The following PARD3 variants were observed in gnomAD, a reference collection of about 807,000 sequenced individuals.
PARD3 encodes the protein par-3 family cell polarity regulator.
Under a neutral mutation model 155.4 loss-of-function variants are expected in PARD3, and 75 were observed. The ratio of observed to expected loss-of-function variants is 0.48; its 90% CI spans 0.40 to 0.58. The LOEUF (loss-of-function observed/expected upper bound fraction) is 0.58. Ranked by LOEUF, PARD3 falls within the 20% of genes least tolerant of loss-of-function variation. PARD3 has a pLI of 0.00. For missense variants in PARD3, 1,642 were observed against 1,721.7 expected (o/e 0.95, Z 0.82); for synonymous variants, 576 against 610.5 (o/e 0.94, Z 0.83).
At chr10:34,411,781 C>T (rs879355327) in intron 5 of PARD3, among the ~76,000 whole-genome samples, 6 of 149,580 alleles carry the variant, frequency 4.0e-5, no homozygotes, top group African/African-American at 7.4e-5. Context: ...GATAGATAGA[C>T]AGAATCTCCA....
chr10:34,234,130 A>G (rs1027011516), intron 22 of PARD3, among the ~76,000 whole-genome samples: 7 of 152,136 alleles, frequency 4.6e-5, no homozygotes, highest in Non-Finnish European at 8.8e-5. Context: ...CTTTGTAATC[A>G]ATTTCTGATA....
chr10:34,734,484 C>T (rs555984682), intron 1 of PARD3, among the ~76,000 whole-genome samples: 3 of 151,894 alleles, frequency 2.0e-5, no homozygotes, highest in Admixed American at 6.6e-5. Context: ...TACAGGCGCC[C>T]GCCACCATGC....
intron 2 of PARD3, among the ~76,000 whole-genome samples, chr10:34,542,785 C>A (rs1200937907): frequency 6.6e-6 from 1 of 152,096 alleles, no homozygotes; most frequent in East Asian, 1.9e-4. Flanking sequence ...TTGTGTCATA[C>A]AATTTTAAAA....
At chr10:34,713,934 T>C (rs540974170) in intron 1 of PARD3, among the ~76,000 whole-genome samples, 1 of 152,252 alleles carries the variant, frequency 6.6e-6, no homozygotes, top group Admixed American at 6.5e-5. Context: ...ATGTTGAATA[T>C]TTCTCTACTA....
chr10:34,753,790 G>C (rs13376804), intron 1 of PARD3, among the ~76,000 whole-genome samples: 3,576 of 152,146 alleles, frequency 0.024, 140 homozygotes, highest in African/African-American at 0.082. Flanking sequence ...TCACAGACAG[G>C]AAGAGTATGC....
At chr10:34,295,308 T>C (rs1956856777) in intron 20 of PARD3, among the ~76,000 whole-genome samples, 1 of 152,184 alleles carries the variant, frequency 6.6e-6, no homozygotes, top group African/African-American at 2.4e-5. Context: ...GGACAAGAAA[T>C]TCGGCAAATG....
intron 4 of PARD3, among the ~76,000 whole-genome samples, chr10:34,468,584 CAAG>C (rs2078154885): frequency 6.6e-6 from 1 of 152,106 alleles, no homozygotes; most frequent in South Asian, 2.1e-4. Flanking sequence ...TCAAAACTTA[CAAG>C]CTAATCTTAA....
At chr10:34,715,452 T>C (rs2094505912) in intron 1 of PARD3, among the ~76,000 whole-genome samples, 1 of 152,170 alleles carries the variant, frequency 6.6e-6, no homozygotes, top group African/African-American at 2.4e-5. Context: ...ATACAAGCCA[T>C]GAAGTCCACA....
chr10:34,167,584 AAGGTAATATTT>A (rs58400164), intron 22 of PARD3, among the ~76,000 whole-genome samples: 35,899 of 151,636 alleles, frequency 0.24, 4,406 homozygotes, highest in Middle Eastern at 0.37. Context: ...AAAATGGCAA[AAGGTAATATTT>A]AGGTATATGT....
chr10:34,401,807 G>A lies in PARD3; in HGVS notation c.806+19C>T. Reference sequence around the variant, plus strand: ...CTACATGTATACTGCAAACTTAGTTGAAACCATCAGTAACTTACTCCAGAG... The same window carrying A: ...CTACATGTATACTGCAAACTTAGTTAAAACCATCAGTAACTTACTCCAGAG... On this transcript the variant is annotated intron_variant, in intron 6 of 24. Coordinates refer to ENST00000374788, the MANE Select transcript of PARD3 (RefSeq NM_001184785.2). The A allele has an allele frequency of 6.5e-7, 1 of 1,527,400 alleles. No homozygotes were observed. Among genetic ancestry groups the A allele is most frequent in the Non-Finnish European group, 9.1e-7 (1 of 1,101,074 alleles). 94.6% of individuals were successfully genotyped at this position (1,527,400 alleles called of 1,614,324 possible).
chr10:34,513,469 G>A (rs1664633580), intron 3 of PARD3, among the ~76,000 whole-genome samples: 1 of 152,286 alleles, frequency 6.6e-6, no homozygotes, highest in East Asian at 1.9e-4. Flanking sequence ...TTTTGGTAGA[G>A]ACAGGGTTTC....
chr10:34,162,866 A>T (rs1208652468), intron 22 of PARD3, among the ~76,000 whole-genome samples: 1 of 152,154 alleles, frequency 6.6e-6, no homozygotes, highest in Non-Finnish European at 1.5e-5. Flanking sequence ...CAGGACTGTG[A>T]GAATTCAGAC....
At chr10:34,624,848 C>T (rs947315420) in intron 2 of PARD3, among the ~76,000 whole-genome samples, 1 of 152,232 alleles carries the variant, frequency 6.6e-6, no homozygotes, top group Non-Finnish European at 1.5e-5. Context: ...CCCAGACAAG[C>T]TCTGAGAAAG....
At chr10:34,748,603 C>T (rs928449278) in intron 1 of PARD3, among the ~76,000 whole-genome samples, 2 of 152,062 alleles carry the variant, frequency 1.3e-5, no homozygotes, top group African/African-American at 4.8e-5. Context: ...GCCCTGAAGT[C>T]TGGAATCAAA....
chr10:34,540,184 A>G (rs190891537), intron 2 of PARD3, among the ~76,000 whole-genome samples: 290 of 152,300 alleles, frequency 1.9e-3, no homozygotes, highest in African/African-American at 6.3e-3. Context: ...TATGCTGTCA[A>G]ACAACAGCAC....
intron 20 of PARD3, among the ~76,000 whole-genome samples, chr10:34,311,598 T>C (rs1957700831): frequency 6.6e-6 from 1 of 152,214 alleles, no homozygotes; most frequent in Non-Finnish European, 1.5e-5. Context: ...TCCAGAAACA[T>C]TTATGAAAGA....
intron 22 of PARD3, among the ~76,000 whole-genome samples, chr10:34,225,577 C>T (rs1455768170): frequency 6.6e-6 from 1 of 152,160 alleles, no homozygotes; most frequent in Non-Finnish European, 1.5e-5. Context: ...AACTCCTGAC[C>T]TCAGGTGATC....
At chr10:34,729,612 A>G (rs548922924) in intron 1 of PARD3, among the ~76,000 whole-genome samples, 1 of 152,296 alleles carries the variant, frequency 6.6e-6, no homozygotes, top group South Asian at 2.1e-4. Flanking sequence ...TACATGTAAA[A>G]TGGAAGCTAA....
At chr10:34,788,612 G>A (rs1236619461) in intron 1 of PARD3, among the ~76,000 whole-genome samples, 2 of 152,168 alleles carry the variant, frequency 1.3e-5, no homozygotes, top group Non-Finnish European at 2.9e-5. Context: ...ACCATGCCCA[G>A]CTAATTTTTG....
Sources: gnomAD v4.1 joint callset for allele counts (sites outside exome capture counted in the v4.1 genomes callset) on GRCh38, gnomAD v4.1.1 for gene constraint, MANE v1.5 for transcripts, NCBI Gene and HGNC (gene_info 2026-07-23, HGNC 2026-07-21) for gene names.